PDE11A: variants seen among roughly 807,000 people sequenced by gnomAD.
PDE11A encodes dual 3',5'-cyclic-AMP and -GMP phosphodiesterase 11A.
A neutral mutation model predicts 100.5 loss-of-function variants in PDE11A; 100 were observed. That is an observed-to-expected ratio of 1.00 (90% CI 0.85 to 1.18). The LOEUF (loss-of-function observed/expected upper bound fraction) is 1.18, where lower values mean the gene tolerates loss of function less well. PDE11A is among the 50% of genes most tolerant of loss of function. The probability of loss-of-function intolerance (pLI) is 0.00; values close to 1 mark genes in which losing one functional copy is unlikely to be tolerated. For missense variants in PDE11A, 1,141 were observed against 1,152.6 expected, an observed-to-expected ratio of 0.99 and a Z score of 0.15; for synonymous variants, 381 against 420.8, an observed-to-expected ratio of 0.91 and a Z score of 1.16.
At chr2:178,094,719 T>G (rs564470721) in intron 2 of PDE11A, among the ~76,000 whole-genome samples, 1 of 152,150 alleles carries the variant, frequency 6.6e-6, no homozygotes, top group Non-Finnish European at 1.5e-5. Flanking sequence ...CTGGGTAATT[T>G]ATAAAGGAAA....
intron 9 of PDE11A, among the ~76,000 whole-genome samples, chr2:177,794,361 T>C (rs1348104782): frequency 1.3e-5 from 2 of 151,702 alleles, no homozygotes; most frequent in African/African-American, 2.4e-5. Flanking sequence ...TGGGACAGAG[T>C]GAGGAAAGTG....
chr2:177,907,445 T>A (rs2084808276), intron 2 of PDE11A, among the ~76,000 whole-genome samples: 1 of 152,342 alleles, frequency 6.6e-6, no homozygotes, highest in Non-Finnish European at 1.5e-5. Context: ...GTGTCAGGCA[T>A]GATGCTATGT....
At chr2:177,844,854 G>C (rs2083554889) in intron 5 of PDE11A, among the ~76,000 whole-genome samples, 1 of 151,868 alleles carries the variant, frequency 6.6e-6, no homozygotes. Flanking sequence ...CAGGGTTGGG[G>C]GCAAGGTCAC....
intron 2 of PDE11A, among the ~76,000 whole-genome samples, chr2:177,931,911 C>CA (rs71410773): frequency 0.074 from 5,976 of 80,246 alleles, 178 homozygotes; most frequent in Non-Finnish European, 0.08. Context: ...GCTAGATTAA[C>CA]AAAAAAAAAA....
At chr2:177,659,594 C>G (rs73040819) in intron 19 of PDE11A, among the ~76,000 whole-genome samples, 1,762 of 152,230 alleles carry the variant, frequency 0.012, 29 homozygotes, top group African/African-American at 0.04. Flanking sequence ...AATGACTCTG[C>G]ACCACTGACA....
chr2:177,869,822 A>C (rs777795101), intron 5 of PDE11A, among the ~76,000 whole-genome samples: 1 of 152,164 alleles, frequency 6.6e-6, no homozygotes, highest in Admixed American at 6.6e-5. Context: ...CTATGTTCTC[A>C]GTGTTAATTG....
rs1467875136 is a variant in PDE11A, at chr2:178,014,382, T to A, written c.991A>T (p.Ser331Cys). ...KSLLCMPIRS[S>C]DGEIIGVAQA... is the part of the protein sequence containing the mutation. ...GCCACACCAATAATCTCACCATCAC[T>A]GCTTCGGATAGGCATGCACAATAAT... The change falls in exon 2 of 20, where the codon AGT becomes TGT. Residue 331 changes from serine to cysteine, a missense_variant. Physicochemically the swap from Ser to Cys is moderately radical, Grantham distance 112 (BLOSUM62 -1). Transcript: ENST00000286063. 1 of 1,612,290 alleles carries A rather than the reference T, an allele frequency of 6.2e-7. No individual in the cohort carries two copies. Among genetic ancestry groups the A allele is most frequent in the Non-Finnish European group, 8.5e-7 (1 of 1,178,310 alleles).
chr2:177,985,173 G>A (rs2085926592), intron 2 of PDE11A, among the ~76,000 whole-genome samples: 1 of 152,164 alleles, frequency 6.6e-6, no homozygotes, highest in South Asian at 2.1e-4. Context: ...GCTTCTGACA[G>A]TCACTGTGCT....
intron 1 of PDE11A, among the ~76,000 whole-genome samples, chr2:178,050,394 G>A (rs569954397): frequency 1.3e-5 from 2 of 152,210 alleles, no homozygotes; most frequent in East Asian, 1.9e-4. Context: ...CCACAAAGAC[G>A]GGGAGAAACC....
At chr2:177,762,058 C>T (rs1371548571) in intron 10 of PDE11A, among the ~76,000 whole-genome samples, 1 of 151,994 alleles carries the variant, frequency 6.6e-6, no homozygotes, top group Non-Finnish European at 1.5e-5. Flanking sequence ...AATGGCCTGC[C>T]TGAAGGAGAA....
At chr2:178,074,197 G>A (rs756197241), upstream of PDE11A, among the ~76,000 whole-genome samples, 1 of 151,892 alleles carries the variant, frequency 6.6e-6, no homozygotes, top group Non-Finnish European at 1.5e-5. Context: ...ACAGAAAGTA[G>A]ATTACTTTCT....
intron 18 of PDE11A, among the ~76,000 whole-genome samples, 187 bp downstream of exon 18, chr2:177,669,306 A>G (rs1218512541): frequency 6.6e-6 from 1 of 152,194 alleles, no homozygotes; most frequent in Non-Finnish European, 1.5e-5. Flanking sequence ...TAAGTAGCTC[A>G]CCACTCTTAA....
intron 2 of PDE11A, among the ~76,000 whole-genome samples, chr2:178,099,113 C>T (rs1178291436): frequency 6.6e-6 from 1 of 152,144 alleles, no homozygotes; most frequent in Non-Finnish European, 1.5e-5. Flanking sequence ...AAAATTTTAT[C>T]CATTTACTGA....
At chr2:178,001,037 CA>C (rs1381546272) in intron 2 of PDE11A, among the ~76,000 whole-genome samples, 1 of 151,488 alleles carries the variant, frequency 6.6e-6, no homozygotes, top group East Asian at 1.9e-4. Context: ...ACCCTGGACA[CA>C]TTTTTAAAAT....
At chr2:178,017,053 A>AT (rs1332384031) in intron 1 of PDE11A, among the ~76,000 whole-genome samples, 6 of 152,220 alleles carry the variant, frequency 3.9e-5, no homozygotes. Context: ...GACAGCAGAG[A>AT]TTTTGTCTCT....
At chr2:177,674,733 A>G (rs1214438915) in intron 17 of PDE11A, among the ~76,000 whole-genome samples, 1 of 152,240 alleles carries the variant, frequency 6.6e-6, no homozygotes, top group Non-Finnish European at 1.5e-5. Flanking sequence ...TATATAAAGC[A>G]GTCAATAAAT....
chr2:177,925,754 A>T (rs573635330), intron 2 of PDE11A, among the ~76,000 whole-genome samples: 1 of 152,374 alleles, frequency 6.6e-6, no homozygotes, highest in African/African-American at 2.4e-5. Flanking sequence ...TACATTATGC[A>T]GTCTTTTCTT....
At chr2:177,855,929 C>T (rs1449048419) in intron 5 of PDE11A, among the ~76,000 whole-genome samples, 2 of 151,270 alleles carry the variant, frequency 1.3e-5, no homozygotes, top group Non-Finnish European at 3.0e-5. Flanking sequence ...CACACACACA[C>T]ACACACACAC....
At chr2:177,759,172 T>TGC (rs994781078) in intron 10 of PDE11A, among the ~76,000 whole-genome samples, 10 of 121,612 alleles carry the variant, frequency 8.2e-5, no homozygotes, top group East Asian at 4.6e-4. Context: ...TTGGAGCACG[T>TGC]GCACACACAC....
Sources: gnomAD v4.1 joint callset for allele counts (sites outside exome capture counted in the v4.1 genomes callset) on GRCh38, gnomAD v4.1.1 for gene constraint, MANE v1.5 for transcripts, NCBI Gene and HGNC (gene_info 2026-07-23, HGNC 2026-07-21) for gene names.